The following CECR2 variants were observed in gnomAD, a reference collection of about 807,000 sequenced individuals.
CECR2 encodes chromatin remodeling regulator CECR2.
A neutral mutation model predicts 154.5 loss-of-function variants in CECR2; 30 were observed. The ratio of observed to expected loss-of-function variants is 0.19; its 90% CI spans 0.15 to 0.26. CECR2 has a LOEUF of 0.26. CECR2 is among the 10% of genes least tolerant of loss of function. CECR2 has a pLI of 1.00. For synonymous variants in CECR2, 725 were observed against 683.7 expected, an observed-to-expected ratio of 1.06 and a Z score of -0.94; for missense variants, 1,743 against 1,829.3, an observed-to-expected ratio of 0.95 and a Z score of 0.86.
At chr22:17,415,659 A>G (rs1265776994) in intron 1 of CECR2, among the ~76,000 whole-genome samples, 2 of 151,366 alleles carry the variant, frequency 1.3e-5, no homozygotes, top group African/African-American at 2.4e-5. Flanking sequence ...CCGACAGGAA[A>G]ACCTGGGCCT....
At chr22:17,443,895 C>T (rs1431103476) in intron 1 of CECR2, among the ~76,000 whole-genome samples, 3 of 152,074 alleles carry the variant, frequency 2.0e-5, no homozygotes, top group African/African-American at 2.4e-5. Context: ...AAATGTAGGA[C>T]GGAAGAGAAC....
At chr22:17,518,967 T>A in intron 8 of CECR2, 1 of 220,806 alleles carries the variant, frequency 4.5e-6, no homozygotes, top group Non-Finnish European at 9.4e-6. Flanking sequence ...CCTGTCCTCC[T>A]TTGTCATAGA....
At chr22:17,471,917 C>T (rs2055134257) in intron 1 of CECR2, among the ~76,000 whole-genome samples, 1 of 152,180 alleles carries the variant, frequency 6.6e-6, no homozygotes. Flanking sequence ...TAGTAATTCA[C>T]ACATTTTCAG....
At chr22:17,439,015 A>G (rs571088164) in intron 1 of CECR2, among the ~76,000 whole-genome samples, 2 of 151,828 alleles carry the variant, frequency 1.3e-5, no homozygotes, top group Non-Finnish European at 2.9e-5. Flanking sequence ...ATCTCTACAC[A>G]TTTTTTTTAA....
chr22:17,478,195 A>G (rs2055242720), intron 2 of CECR2, among the ~76,000 whole-genome samples: 1 of 152,098 alleles, frequency 6.6e-6, no homozygotes. Context: ...TACTTAATAC[A>G]CGTTTCTTTG....
chr22:17,409,844 CTGAG>C (rs1206116379), intron 1 of CECR2, among the ~76,000 whole-genome samples: 2 of 111,668 alleles, frequency 1.8e-5, no homozygotes, highest in Non-Finnish European at 2.1e-5. Context: ...TAAATATTTA[CTGAG>C]TGAGTGAATG....
Position 17,496,887 on chromosome 22 carries a change from CTTTATATA to C in CECR2, c.222-510_222-503del, listed in dbSNP as rs535030375. 2.5e-3 allele frequency among the ~76,000 whole-genome samples: 374 copies of C among 152,316 alleles called. 1 individual carries two copies. Among genetic ancestry groups the C allele is most frequent in the African/African-American group, 8.6e-3 (357 of 41,560 alleles). On this transcript the variant is annotated intron_variant, in intron 2 of 18. Coordinates refer to ENST00000262608, the MANE Select transcript of CECR2 (RefSeq NM_001290047.2). The stretch of plus-strand genomic sequence containing the variant: ...GTCAACCTATTCTGTGAAAAACCCT[CTTTATATA>C]TTTATCTTCCTTGATAGTTGACAAA...
intron 1 of CECR2, among the ~76,000 whole-genome samples, chr22:17,420,055 T>G (rs974922691): frequency 6.6e-6 from 1 of 152,176 alleles, no homozygotes; most frequent in Non-Finnish European, 1.5e-5. Context: ...ATTGGATGTA[T>G]TTACAGCTGT....
At chr22:17,523,013 A>G (rs695767) in intron 8 of CECR2, among the ~76,000 whole-genome samples, 21,581 of 117,988 alleles carry the variant, frequency 0.18, 2,008 homozygotes, top group East Asian at 0.47. Context: ...TCGGGGGGAA[A>G]AAAAAAAGCC....
intron 1 of CECR2, among the ~76,000 whole-genome samples, chr22:17,382,185 C>T (rs5992040): frequency 0.7 from 106,774 of 151,606 alleles, 37,775 homozygotes; most frequent in East Asian, 0.92. Context: ...CCACTGTGCC[C>T]GGCCAGAGAG....
chr22:17,398,613 A>G (rs992923241), intron 1 of CECR2, among the ~76,000 whole-genome samples: 1 of 152,208 alleles, frequency 6.6e-6, no homozygotes, highest in African/African-American at 2.4e-5. Flanking sequence ...ACACTGGACA[A>G]TTTACTTAAC....
At chr22:17,414,237 G>T (rs1380664420) in intron 1 of CECR2, among the ~76,000 whole-genome samples, 3 of 152,188 alleles carry the variant, frequency 2.0e-5, no homozygotes, top group Admixed American at 6.5e-5. Context: ...CTCCCAAAGT[G>T]CTGGGATTAC....
intron 1 of CECR2, among the ~76,000 whole-genome samples, chr22:17,386,348 A>AAAGG (rs1455725589): frequency 6.6e-6 from 1 of 151,482 alleles, no homozygotes; most frequent in Non-Finnish European, 1.5e-5. Context: ...GCATGGTGAG[A>AAAGG]AAGGAAGGGC....
At position 17,371,572 on chromosome 22, in the gene CECR2, G is replaced by A. The variant is rs138019574; in HGVS notation, c.126+1663G>A. Among the ~76,000 whole-genome samples the A allele has an allele frequency of 1.6e-4, 24 of 152,312 alleles. No individual in the cohort carries two copies. The East Asian group carries it at 4.6e-3, about 29-fold the overall frequency. ...TTTCTCAGTTACTCTGATGTCCTGT[G>A]TTTTCTTTCAGTTGGTACAAAATCG... On this transcript the variant is annotated intron_variant, in intron 1 of 18. Transcript: ENST00000262608.
At chr22:17,523,101 T>G (rs529136192) in intron 8 of CECR2, among the ~76,000 whole-genome samples, 1 of 152,068 alleles carries the variant, frequency 6.6e-6, no homozygotes, top group African/African-American at 2.4e-5. Context: ...TGTTTTGTGT[T>G]TTTGAGATAG....
In CECR2 at chr22:17,554,232, T is replaced by C. The variant is rs909286974; in HGVS notation, c.*1392T>C. The C allele has an allele frequency of 1.3e-5, 2 of 152,222 alleles. No homozygotes were observed. The highest frequency in any genetic ancestry group is 4.8e-5 in the African/African-American group (2 of 41,458). 9.4% of individuals were successfully genotyped at this position (152,222 alleles called of 1,614,324 possible). ...AAGTTAGGACCCATGTTTTAAACTT[T>C]TGAATATTCCACAAAAGAAAAAACT... On this transcript the variant is annotated 3_prime_UTR_variant, in exon 19 of 19. Transcript: ENST00000262608.
At position 17,552,855 on chromosome 22, in the gene CECR2, G is replaced by A; in HGVS notation, c.*15G>A. 2 of 1,527,018 alleles carry A rather than the reference G, an allele frequency of 1.3e-6. No individual in the cohort carries two copies. Among genetic ancestry groups the A allele is most frequent in the Non-Finnish European group, 1.8e-6 (2 of 1,133,488 alleles). The allele number at this position is 1,527,018 out of a possible 1,614,324, so 94.6% of individuals were successfully genotyped here. On this transcript the variant is annotated 3_prime_UTR_variant, in exon 19 of 19. Transcript: ENST00000262608. ...TTCAGAGCTAGTCCAAGGAGGAAAT[G>A]AGCCCCAAGCAATGGAAAGCTGCAC...
intron 1 of CECR2, among the ~76,000 whole-genome samples, chr22:17,441,301 G>T (rs1286979894): frequency 2.0e-5 from 3 of 152,132 alleles, no homozygotes; most frequent in East Asian, 1.9e-4. Flanking sequence ...ACTGGTTGTT[G>T]TTGGGAATCT....
chr22:17,379,581 G>GGTGTGTGTGTATGTGTGTGTGTGT (rs1555899688), intron 1 of CECR2, among the ~76,000 whole-genome samples: 25 of 137,904 alleles, frequency 1.8e-4, no homozygotes, highest in Admixed American at 3.7e-4. Flanking sequence ...CTACGTTGAA[G>GGTGTGTGTGTATGTGTGTGTGTGT]GTGTGTGTGT....
Sources: allele counts gnomAD v4.1 joint callset (sites outside exome capture counted in the v4.1 genomes callset), GRCh38; gene constraint gnomAD v4.1.1; transcripts MANE v1.5; gene names NCBI Gene and HGNC (gene_info 2026-07-23, HGNC 2026-07-21).